CNTNAP2: variants seen among roughly 807,000 people sequenced by gnomAD.
The protein encoded by CNTNAP2 is contactin-associated protein-like 2.
CNTNAP2 carries 98 observed loss-of-function variants against 155.2 expected under a neutral mutation model. The observed-to-expected ratio is 0.63, with a 90% confidence interval of 0.54 to 0.75. The LOEUF (loss-of-function observed/expected upper bound fraction) is 0.75. Among genes scored for constraint, CNTNAP2 ranks in the 30% least tolerant of loss-of-function variants. CNTNAP2 has a pLI of 0.00. For synonymous variants in CNTNAP2, 651 were observed against 631.2 expected, an observed-to-expected ratio of 1.03 and a Z score of -0.47; for missense variants, 1,727 against 1,688.1, an observed-to-expected ratio of 1.02 and a Z score of -0.40.
chr7:147,144,767 A>G lies in CNTNAP2; in HGVS notation c.1348+12258A>G, dbSNP rs571074884. Among the ~76,000 whole-genome samples, 6 of 152,344 alleles carry G rather than the reference A, an allele frequency of 3.9e-5. No homozygotes were observed. The East Asian group carries it at 9.6e-4, about 24-fold the overall frequency. ...TTGTAATACACAATAAGTTTATTAC[A>G]TAGAATAGCCAATAGGCATCAATAT... On this transcript the variant is annotated intron_variant, in intron 8 of 23. Coordinates refer to ENST00000361727, the MANE Select transcript of CNTNAP2 (RefSeq NM_014141.6).
intron 1 of CNTNAP2, among the ~76,000 whole-genome samples, chr7:146,738,831 A>C (rs980598247): frequency 2.0e-5 from 3 of 150,794 alleles, no homozygotes; most frequent in Non-Finnish European, 1.5e-5. Flanking sequence ...TTGGTCTGTT[A>C]AGATTTTCTG....
chr7:148,079,249 T>G (rs1391406883), intron 15 of CNTNAP2, among the ~76,000 whole-genome samples: 1 of 152,200 alleles, frequency 6.6e-6, no homozygotes, highest in Non-Finnish European at 1.5e-5. Context: ...AAGACATCAC[T>G]CGATACATGT....
chr7:146,291,499 A>G (rs116465243), intron 1 of CNTNAP2, among the ~76,000 whole-genome samples: 2 of 152,258 alleles, frequency 1.3e-5, no homozygotes, highest in East Asian at 1.9e-4. Flanking sequence ...TGGCAGCCAC[A>G]GAAACCATAT....
intron 3 of CNTNAP2, among the ~76,000 whole-genome samples, chr7:147,043,350 C>T (rs555958242): frequency 6.6e-6 from 1 of 152,172 alleles, no homozygotes; most frequent in East Asian, 1.9e-4. Flanking sequence ...TTGACAGAAT[C>T]TTCTATAATG....
intron 1 of CNTNAP2, among the ~76,000 whole-genome samples, chr7:146,159,965 T>C (rs1798191365): frequency 6.6e-6 from 1 of 151,964 alleles, no homozygotes; most frequent in African/African-American, 2.4e-5. Context: ...TCACACTTAT[T>C]CCAAAATTGA....
intron 21 of CNTNAP2, among the ~76,000 whole-genome samples, chr7:148,314,624 G>A (rs866288005): frequency 2.0e-5 from 3 of 151,958 alleles, no homozygotes; most frequent in Admixed American, 6.6e-5. Context: ...CTAGAAAAGC[G>A]GTACTTGCCG....
chr7:148,110,059 A>T (rs1276359070), intron 15 of CNTNAP2, among the ~76,000 whole-genome samples: 1 of 148,554 alleles, frequency 6.7e-6, no homozygotes, highest in Non-Finnish European at 1.5e-5. Flanking sequence ...GAATTCCTTC[A>T]TTATCTTGCC....
chr7:148,083,583 G>C (rs140449702), intron 15 of CNTNAP2, among the ~76,000 whole-genome samples: 1 of 152,154 alleles, frequency 6.6e-6, no homozygotes, highest in East Asian at 1.9e-4. Flanking sequence ...TTCCACCAAG[G>C]GCAGAAACAT....
At chr7:147,412,197 A>G (rs773821127) in intron 10 of CNTNAP2, among the ~76,000 whole-genome samples, 1 of 152,168 alleles carries the variant, frequency 6.6e-6, no homozygotes, top group Non-Finnish European at 1.5e-5. Flanking sequence ...AAAGCAGTGT[A>G]TTAGCCTCTT....
rs144313474 is a variant in CNTNAP2, at chr7:147,319,896, CTT to C, written c.1498+19609_1498+19610del. ...ATTCTATTTCAAGCATCAGCAAACT[CTT>C]TTATATAGGGTCATATAGTAAATAT... On this transcript the variant is annotated intron_variant, in intron 9 of 23. Coordinates refer to ENST00000361727, the MANE Select transcript of CNTNAP2 (RefSeq NM_014141.6). Among the ~76,000 whole-genome samples the C allele has an allele frequency of 2.9e-3, 449 of 152,230 alleles. 4 individuals are homozygous for C. Among genetic ancestry groups the C allele is most frequent in the African/African-American group, 9.5e-3 (395 of 41,538 alleles).
chr7:147,203,976 C>T (rs56248333), intron 8 of CNTNAP2, among the ~76,000 whole-genome samples: 5,130 of 151,900 alleles, frequency 0.034, 137 homozygotes, highest in Non-Finnish European at 0.055. Flanking sequence ...TTCTGAAGGA[C>T]GTAAGATAGC....
chr7:146,274,557 C>T (rs1800134242), intron 1 of CNTNAP2, among the ~76,000 whole-genome samples: 1 of 152,092 alleles, frequency 6.6e-6, no homozygotes, highest in Non-Finnish European at 1.5e-5. Context: ...ACATTTGCCC[C>T]TATTTGTTCA....
chr7:146,436,492 A>C (rs1285848377), intron 1 of CNTNAP2, among the ~76,000 whole-genome samples: 1 of 152,224 alleles, frequency 6.6e-6, no homozygotes, highest in Non-Finnish European at 1.5e-5. Flanking sequence ...TTTTAAAAAT[A>C]AGCACCTAAG....
intron 3 of CNTNAP2, among the ~76,000 whole-genome samples, chr7:146,955,840 T>C (rs13228798): frequency 0.23 from 34,635 of 151,916 alleles, 5,102 homozygotes; most frequent in Non-Finnish European, 0.32. Flanking sequence ...GATAGGTTTG[T>C]CATCACAGAG....
At chr7:147,868,135 G>A (rs1799265369) in intron 13 of CNTNAP2, among the ~76,000 whole-genome samples, 1 of 152,072 alleles carries the variant, frequency 6.6e-6, no homozygotes, top group Non-Finnish European at 1.5e-5. Flanking sequence ...GGGTTTTGGT[G>A]TGGATATCCT....
intron 20 of CNTNAP2, among the ~76,000 whole-genome samples, chr7:148,231,040 CTT>C (rs1795951367): frequency 6.6e-6 from 1 of 152,178 alleles, no homozygotes; most frequent in Non-Finnish European, 1.5e-5. Context: ...TTTGTCACCT[CTT>C]TTAAAGAAAG....
intron 1 of CNTNAP2, among the ~76,000 whole-genome samples, chr7:146,362,843 T>G (rs1398019664): frequency 1.4e-5 from 2 of 144,190 alleles, no homozygotes; most frequent in African/African-American, 5.2e-5. Context: ...CGATCTCGGC[T>G]CACTGTAACC....
chr7:148,230,311 T>C (rs555340306), intron 20 of CNTNAP2, among the ~76,000 whole-genome samples: 1 of 152,326 alleles, frequency 6.6e-6, no homozygotes, highest in African/African-American at 2.4e-5. Context: ...GGTTTTATTA[T>C]GACACTCAAA....
intron 1 of CNTNAP2, among the ~76,000 whole-genome samples, chr7:146,721,161 ATTCTCTC>A (rs1436467203): frequency 7.5e-6 from 1 of 132,758 alleles, no homozygotes; most frequent in Non-Finnish European, 1.5e-5. Context: ...CTATATATAT[ATTCTCTC>A]TATATATTCC....
Sources: allele counts gnomAD v4.1 joint callset (sites outside exome capture counted in the v4.1 genomes callset), GRCh38; gene constraint gnomAD v4.1.1; transcripts MANE v1.5; gene names NCBI Gene and HGNC (gene_info 2026-07-23, HGNC 2026-07-21).